The following HIP1R variants were observed in gnomAD, a reference collection of about 807,000 sequenced individuals.
The protein encoded by HIP1R is huntingtin-interacting protein 1-related protein.
HIP1R carries 135 observed loss-of-function variants against 144.2 expected under a neutral mutation model. The observed-to-expected ratio is 0.94, with a 90% CI of 0.81 to 1.08. The LOEUF is 1.08. HIP1R is among the 50% of genes least tolerant of loss of function. The probability of loss-of-function intolerance (pLI) is 0.00; values close to 1 mark genes in which losing one functional copy is unlikely to be tolerated. For missense variants in HIP1R, 1,462 were observed against 1,432.8 expected, an observed-to-expected ratio of 1.02 and a Z score of -0.33; for synonymous variants, 698 against 612.8, an observed-to-expected ratio of 1.14 and a Z score of -2.05.
At position 122,850,992 on chromosome 12, in the gene HIP1R, C is replaced by T. The variant is rs987041506; in HGVS notation, c.515+81C>T. On this transcript the variant is annotated intron_variant, in intron 6 of 31. Coordinates refer to ENST00000253083, the MANE Select transcript of HIP1R (RefSeq NM_003959.3). ...CTACCGCGTCTCACGCCCAGGCGTC[C>T]GCATGGGGCAGTGGGGTTGAATGAG... The T allele has an allele frequency of 6.4e-5, 82 of 1,278,720 alleles. 1 individual carries two copies. Among genetic ancestry groups the T allele is most frequent in the Middle Eastern group, 2.1e-4 (1 of 4,758 alleles). 79.2% of individuals were successfully genotyped at this position (1,278,720 alleles called of 1,614,324 possible).
Position 122,855,271 on chromosome 12 carries a change from C to T in HIP1R, c.859C>T (p.Pro287Ser), listed in dbSNP as rs1458914716. ...IQIPRLPEGP[P>S]NFLRASALAE... ...CCACCTGCCGCCCCTGCAGGGACCC[C>T]CTAACTTCCTGCGGGCCTCAGCCCT... Residue 287 changes from proline to serine, a missense_variant, in exon 11 of 32, where the codon CCT (proline) becomes TCT (serine). Physicochemically the swap from Pro to Ser is moderately conservative, Grantham distance 74. This residue lies in a region of HIP1R where 350 missense variants were observed against 421.1 expected (regional missense o/e 0.83). Coordinates refer to ENST00000253083, the MANE Select transcript of HIP1R (RefSeq NM_003959.3). 1.2e-6 allele frequency: 2 copies of T among 1,612,818 alleles called. No homozygotes were observed. Among genetic ancestry groups the T allele is most frequent in the Admixed American group, 1.7e-5 (1 of 60,026 alleles).
At chr12:122,835,290 GT>G, upstream of HIP1R, 1 of 499,770 alleles carries the variant, frequency 2.0e-6, no homozygotes, top group Non-Finnish European at 2.6e-6. Flanking sequence ...ATCGCGGGGG[GT>G]GGGGTTGGAG....
rs745973919 is a variant in HIP1R, at chr12:122,854,110, C to A, written c.645C>A (p.Pro215=). The stretch of plus-strand genomic sequence containing the variant: ...CCTCAGGCCAGTGCCGCCTGGCCCC[C>A]CTCATCCAGGTCATCCAGGACTGCA... ...QMSSGQCRLA[P]LIQVIQDCSH... is the part of the protein sequence containing the mutation. Residue 215 remains proline, a synonymous_variant, in exon 8 of 32, where the codon CCC becomes CCA. Coordinates refer to ENST00000253083, the MANE Select transcript of HIP1R (RefSeq NM_003959.3). 1 of 1,613,938 alleles carries A rather than the reference C, an allele frequency of 6.2e-7. No individual in the cohort carries two copies. The highest frequency in any genetic ancestry group is 1.7e-5 in the Admixed American group (1 of 60,028).
Position 122,854,124 on chromosome 12 carries a change from T to C in HIP1R, c.659T>C (p.Ile220Thr). 1 of 1,613,912 alleles carries C rather than the reference T, an allele frequency of 6.2e-7. No homozygotes were observed. The highest frequency in any genetic ancestry group is 8.5e-7 in the Non-Finnish European group (1 of 1,179,956). ...CGCCTGGCCCCCCTCATCCAGGTCA[T>C]CCAGGACTGCAGCCACCTCTACCAC... is the stretch of plus-strand genomic sequence containing the variant. ...QCRLAPLIQV[I>T]QDCSHLYHYT... The change falls in exon 8 of 32, where the codon ATC becomes ACC. Residue 220 changes from isoleucine (I) to threonine (T), a missense_variant. Ile to Thr is a moderately conservative substitution (Grantham distance 89). Coordinates refer to ENST00000253083, the MANE Select transcript of HIP1R (RefSeq NM_003959.3).
intron 11 of HIP1R, 30 bp from the exon 12 acceptor site, chr12:122,855,521 G>A (rs1368036456): frequency 6.5e-7 from 1 of 1,549,426 alleles, no homozygotes; most frequent in Non-Finnish European, 8.7e-7. Context: ...GGGCACAGGT[G>A]AGTGGGGTCA....
At chr12:122,846,983 C>A (rs776659947) in intron 1 of HIP1R, among the ~76,000 whole-genome samples, 1 of 152,232 alleles carries the variant, frequency 6.6e-6, no homozygotes, top group African/African-American at 2.4e-5. Flanking sequence ...GCTCCCTGCC[C>A]TTCAAGGCCT....
chr12:122,840,589 T>C lies in HIP1R; in HGVS notation c.93+4946T>C, dbSNP rs1456829009. ...AATGCCGTGTAAGTGTTGGCTGTTA[T>C]GTTGTGTTCAGAAGAGCAGGCTGGG... On this transcript the variant is annotated intron_variant, in intron 1 of 31. Coordinates refer to ENST00000253083, the MANE Select transcript of HIP1R (RefSeq NM_003959.3). This position sits in a 1 kb window ranked among gnomAD's most constrained non-coding sequence, Gnocchi z 4.2. 6.6e-6 allele frequency among the ~76,000 whole-genome samples: 1 copy of C among 152,182 alleles called. No homozygotes were observed. The highest frequency in any genetic ancestry group is 2.4e-5 in the African/African-American group (1 of 41,426).
rs1293676633 is a variant in HIP1R, at chr12:122,857,135, G to A, written c.1735G>A (p.Glu579Lys). 9 of 1,550,470 alleles carry A rather than the reference G, an allele frequency of 5.8e-6. No individual in the cohort carries two copies. The highest frequency in any genetic ancestry group is 2.4e-5 in the East Asian group (1 of 40,926). The change falls in exon 18 of 32, where the codon GAG becomes AAG. Residue 579 changes from glutamate to lysine, a missense_variant. Around this residue, in one of 2 missense-constraint regions of HIP1R, gnomAD observed 1,112 missense variants for 1,011.7 expected, o/e 1.10. Coordinates refer to ENST00000253083, the MANE Select transcript of HIP1R (RefSeq NM_003959.3). ...GCTGGCGGCGCAGAGCCTGGTGCGC[G>A]AGACAGAGGCGGCGCTGAGCCGGGA... ...DLLAAQSLVR[E>K]TEAALSREQQ...
rs2033675728 is a variant in HIP1R, at chr12:122,858,820, CCCCACCCA to C, written c.2051-14_2051-7del. 1 of 1,551,682 alleles carries C rather than the reference CCCCACCCA, an allele frequency of 6.4e-7. No homozygotes were observed. Among genetic ancestry groups the C allele is most frequent in the African/African-American group, 1.4e-5 (1 of 73,796 alleles). ...CAGTGTCATCCTCCCCCAACCTTGG[CCCCACCCA>C]CCCGCACAGACGCCTCCGCCCTGGT... is the stretch of plus-strand genomic sequence containing the variant. On this transcript the variant is annotated splice_polypyrimidine_tract_variant and intron_variant, in intron 20 of 31. Coordinates refer to ENST00000253083, the MANE Select transcript of HIP1R (RefSeq NM_003959.3).
In HIP1R at chr12:122,855,813, C is replaced by T. The variant is rs79699213; in HGVS notation, c.1056-18C>T. 3.9e-6 allele frequency: 6 copies of T among 1,556,030 alleles called. No individual in the cohort carries two copies. The highest frequency in any genetic ancestry group is 5.2e-6 in the Non-Finnish European group (6 of 1,149,024). On this transcript the variant is annotated intron_variant, in intron 12 of 31. Transcript: ENST00000253083. Reference sequence around the variant, plus strand: ...GTTCTGGTTGACTTAACTTGAACCCCAGGACCTCTGTCCCCAGGGACCTCC... The same window carrying T: ...GTTCTGGTTGACTTAACTTGAACCCTAGGACCTCTGTCCCCAGGGACCTCC...
chr12:122,861,133 A>G lies in HIP1R; in HGVS notation c.2893A>G (p.Thr965Ala). The G allele has an allele frequency of 1.2e-6, 2 of 1,613,306 alleles. No individual in the cohort carries two copies. The highest frequency in any genetic ancestry group is 1.7e-6 in the Non-Finnish European group (2 of 1,179,950). ...ACCCCCTTGTCCTCCGGCCACAGACACCATGGATTTCTCCGGCCTGTCCCT... is the reference window on the plus strand; with the variant it reads ...ACCCCCTTGTCCTCCGGCCACAGACGCCATGGATTTCTCCGGCCTGTCCCT... The part of the protein sequence containing the change: ...SGQEQIEDRD[T>A]MDFSGLSLIK... Residue 965 changes from threonine (T) to alanine (A), a missense_variant and splice_region_variant, in exon 30 of 32, where the codon ACC becomes GCC. Coordinates refer to ENST00000253083, the MANE Select transcript of HIP1R (RefSeq NM_003959.3).
At chr12:122,857,298 C>G (rs1454911061) in intron 18 of HIP1R, 83 bp downstream of exon 18, 3 of 1,282,000 alleles carry the variant, frequency 2.3e-6, no homozygotes, top group African/African-American at 2.9e-5. Context: ...TCTGCCTGTT[C>G]TAGAGATTTC....
chr12:122,837,873 G>A (rs2032951641), intron 1 of HIP1R, among the ~76,000 whole-genome samples: 3 of 152,228 alleles, frequency 2.0e-5, no homozygotes, highest in African/African-American at 2.4e-5. Context: ...TGAGCCGCCA[G>A]CCAGGTCCCG....
In HIP1R at chr12:122,860,130, C is replaced by T. The variant is rs780029290; in HGVS notation, c.2497-18C>T. On this transcript the variant is annotated intron_variant, in intron 25 of 31. Transcript: ENST00000253083. ...GCACCTGGAGGGCCACCAGTCATTG[C>T]TGTCTTGGTCTCGGCAGGCTATCCG... The T allele has an allele frequency of 6.7e-5, 107 of 1,586,952 alleles. No homozygotes were observed. In the East Asian group the frequency reaches 2.3e-3, roughly 34 times the overall value.
intron 7 of HIP1R, among the ~76,000 whole-genome samples, chr12:122,852,061 C>T (rs2033417973): frequency 6.6e-6 from 1 of 152,234 alleles, no homozygotes; most frequent in South Asian, 2.1e-4. Context: ...GCTCAGCTTC[C>T]AGGCTGGAGA....
Position 122,849,869 on chromosome 12 carries a change from A to T in HIP1R, c.358-6A>T, listed in dbSNP as rs1320713603. The stretch of plus-strand genomic sequence containing the variant: ...GTGGCCCCTCACCCTGTCTGTCTTC[A>T]CACAGGGACATTTGCATGACCGCTA... On this transcript the variant is annotated splice_region_variant and splice_polypyrimidine_tract_variant and intron_variant, in intron 4 of 31. Transcript: ENST00000253083. 2 of 1,611,048 alleles carry T rather than the reference A, an allele frequency of 1.2e-6. No individual in the cohort carries two copies. The highest frequency in any genetic ancestry group is 2.7e-5 in the African/African-American group (2 of 74,890).
Position 122,861,676 on chromosome 12 carries a change from C to T in HIP1R, c.3160-30C>T, listed in dbSNP as rs752367341. On this transcript the variant is annotated intron_variant, in intron 31 of 31. Transcript: ENST00000253083. The stretch of plus-strand genomic sequence containing the variant: ...TGGGGCCCCAGGTGCCTGGCTGTGA[C>T]CACTGACCCCCCACCTTTAACCCCT... 3 of 1,613,080 alleles carry T rather than the reference C, an allele frequency of 1.9e-6. No individual in the cohort carries two copies. In the African/African-American group the frequency reaches 4.0e-5, roughly 22 times the overall value.
At chr12:122,860,876 G>C in intron 28 of HIP1R, 40 bp from the exon 29 acceptor site, 2 of 1,600,274 alleles carry the variant, frequency 1.2e-6, no homozygotes, top group Non-Finnish European at 8.5e-7. Flanking sequence ...GCTGCCCTGA[G>C]CTGGGAGACC....
chr12:122,850,783 G>A lies in HIP1R; in HGVS notation c.439-52G>A. 2.8e-6 allele frequency: 4 copies of A among 1,448,266 alleles called. No individual in the cohort carries two copies. In the South Asian group the frequency reaches 4.9e-5, roughly 18 times the overall value. 89.7% of individuals were successfully genotyped at this position (1,448,266 alleles called of 1,614,324 possible). ...GGGAGCCCTGGTTCGGTGGCCGCCA[G>A]GTGTGGGGGGGCCCTGGTTCAGTGG... On this transcript the variant is annotated intron_variant, in intron 5 of 31. Coordinates refer to ENST00000253083, the MANE Select transcript of HIP1R (RefSeq NM_003959.3).
Sources: allele counts gnomAD v4.1 joint callset (sites outside exome capture counted in the v4.1 genomes callset), GRCh38; gene constraint gnomAD v4.1.1; regional missense constraint gnomAD v4.1.1; non-coding constraint Gnocchi (gnomAD v3.1); transcripts MANE v1.5; gene names NCBI Gene and HGNC (gene_info 2026-07-23, HGNC 2026-07-21).